The following LSAMP variants were observed in gnomAD, a reference collection of about 807,000 sequenced individuals.
The protein encoded by LSAMP is limbic system associated membrane protein.
LSAMP carries 7 observed loss-of-function variants against 38.6 expected under a neutral mutation model. That is an observed-to-expected ratio of 0.18 (90% CI 0.10 to 0.34). The LOEUF is 0.34. Among genes scored for constraint, LSAMP ranks in the 10% least tolerant of loss-of-function variants. The probability of loss-of-function intolerance (pLI) is 1.00; values close to 1 mark genes in which losing one functional copy is unlikely to be tolerated. For missense variants in LSAMP, 313 were observed against 420.0 expected (o/e 0.75, Z 2.23); for synonymous variants, 154 against 166.8 (o/e 0.92, Z 0.59).
intron 2 of LSAMP, among the ~76,000 whole-genome samples, chr3:116,045,527 T>C (rs542419345): frequency 1.3e-4 from 18 of 138,338 alleles, no homozygotes; most frequent in Admixed American, 2.2e-4. Flanking sequence ...ATATTTTTCA[T>C]TGGGTGGAGG....
At chr3:116,167,031 TC>T (rs1353184676) in intron 1 of LSAMP, among the ~76,000 whole-genome samples, 1 of 152,142 alleles carries the variant, frequency 6.6e-6, no homozygotes, top group East Asian at 1.9e-4. Context: ...GACCTCGTGA[TC>T]CGCCCGCCTT....
intron 1 of LSAMP, among the ~76,000 whole-genome samples, chr3:116,415,708 C>A (rs1413650435): frequency 2.0e-5 from 3 of 152,192 alleles, no homozygotes; most frequent in African/African-American, 4.8e-5. Flanking sequence ...CTCAAAAGCA[C>A]AATAAACAAT....
At chr3:116,229,794 G>A (rs1234641161) in intron 1 of LSAMP, among the ~76,000 whole-genome samples, 1 of 152,100 alleles carries the variant, frequency 6.6e-6, no homozygotes, top group East Asian at 1.9e-4. Context: ...GGAGTCATTA[G>A]GCCAGATTTT....
intron 4 of LSAMP, among the ~76,000 whole-genome samples, chr3:115,846,132 T>C (rs1460710887): frequency 1.3e-5 from 2 of 152,204 alleles, no homozygotes; most frequent in Non-Finnish European, 2.9e-5. Context: ...TGCAGCATGC[T>C]TTGTGTAGTT....
At chr3:115,978,526 G>T (rs1015323695) in intron 3 of LSAMP, among the ~76,000 whole-genome samples, 1 of 151,788 alleles carries the variant, frequency 6.6e-6, no homozygotes, top group Non-Finnish European at 1.5e-5. Context: ...GAAATTTTGT[G>T]TTTTTTTAAT....
rs550690412 is a variant in LSAMP at position 115,904,954 on chromosome 3, T to C, written c.515-52337A>G. 5.9e-5 allele frequency among the ~76,000 whole-genome samples: 9 copies of C among 152,292 alleles called. No homozygotes were observed. The East Asian group carries it at 1.5e-3, about 26-fold the overall frequency. ...TCTTCACAATACCTATCCCATCTTA[T>C]TGAACTCTGCTTATTATAACAGTTT... On this transcript the variant is annotated intron_variant, in intron 3 of 6. Coordinates refer to ENST00000490035, the MANE Select transcript of LSAMP (RefSeq NM_002338.5).
chr3:116,113,420 A>ATTTTTTTTTTTTT (rs374608044), intron 1 of LSAMP, among the ~76,000 whole-genome samples: 1 of 51,028 alleles, frequency 2.0e-5, no homozygotes, highest in African/African-American at 9.6e-5. Flanking sequence ...ATATATATAT[A>ATTTTTTTTTTTTT]TTTTTTTTTT....
At chr3:116,293,749 C>T (rs1021132937) in intron 1 of LSAMP, among the ~76,000 whole-genome samples, 1 of 152,014 alleles carries the variant, frequency 6.6e-6, no homozygotes, top group African/African-American at 2.4e-5. Flanking sequence ...AATAATTAAA[C>T]CAGAACTGAA....
At chr3:116,013,171 G>C (rs1940381375) in intron 3 of LSAMP, among the ~76,000 whole-genome samples, 2 of 152,346 alleles carry the variant, frequency 1.3e-5, no homozygotes, top group Middle Eastern at 3.4e-3. Context: ...TAGGGTAGGA[G>C]TGGGGTTGTA....
At chr3:115,924,904 T>C (rs1016236686) in intron 3 of LSAMP, among the ~76,000 whole-genome samples, 6 of 152,194 alleles carry the variant, frequency 3.9e-5, no homozygotes, top group African/African-American at 1.4e-4. Flanking sequence ...CAGGCCCTGC[T>C]CTGGCCTTTC....
chr3:115,948,399 A>C (rs533375769), intron 3 of LSAMP, among the ~76,000 whole-genome samples: 54 of 152,288 alleles, frequency 3.5e-4, no homozygotes, highest in African/African-American at 1.2e-3. Flanking sequence ...AGTCTCAATA[A>C]ATTTAAGAAA....
At chr3:116,097,578 A>G (rs1708251874) in intron 1 of LSAMP, among the ~76,000 whole-genome samples, 1 of 152,206 alleles carries the variant, frequency 6.6e-6, no homozygotes, top group African/African-American at 2.4e-5. Flanking sequence ...TTAACACATA[A>G]TAAGTATGTA....
rs1933612457 is a variant in LSAMP at position 115,805,596 on chromosome 3, T to C, written c.*4721A>G. 1.3e-5 allele frequency: 2 copies of C among 152,216 alleles called. No individual in the cohort carries two copies. Among genetic ancestry groups the C allele is most frequent in the African/African-American group, 4.8e-5 (2 of 41,466 alleles). 9.4% of individuals were successfully genotyped at this position (152,216 alleles called of 1,614,324 possible). ...TAAAATAAGTTTTCCATAATATTCATAAACATTTTCGCTGGTGTAAATGTT... is the reference window on the plus strand; with the variant it reads ...TAAAATAAGTTTTCCATAATATTCACAAACATTTTCGCTGGTGTAAATGTT... On this transcript the variant is annotated 3_prime_UTR_variant, in exon 7 of 7. Coordinates refer to ENST00000490035, the MANE Select transcript of LSAMP (RefSeq NM_002338.5).
chr3:115,994,104 T>C (rs1325364574), intron 3 of LSAMP, among the ~76,000 whole-genome samples: 1 of 152,104 alleles, frequency 6.6e-6, no homozygotes, highest in Non-Finnish European at 1.5e-5. Flanking sequence ...ACTGACAACC[T>C]GGCATTGCAG....
intron 6 of LSAMP, among the ~76,000 whole-genome samples, chr3:115,817,958 G>T (rs1934083961): frequency 6.6e-6 from 1 of 151,920 alleles, no homozygotes; most frequent in African/African-American, 2.4e-5. Context: ...TTTTCTTTAG[G>T]ATCAACATAT....
chr3:115,999,993 T>G (rs1410924885), intron 3 of LSAMP, among the ~76,000 whole-genome samples: 1 of 152,070 alleles, frequency 6.6e-6, no homozygotes, highest in Non-Finnish European at 1.5e-5. Context: ...GTATGTGTGG[T>G]GTGTGTGTTT....
chr3:115,878,061 G>C (rs1352264741), intron 3 of LSAMP, among the ~76,000 whole-genome samples: 1 of 152,130 alleles, frequency 6.6e-6, no homozygotes, highest in South Asian at 2.1e-4. Context: ...AGACACGATT[G>C]TTCTGCAGTA....
At chr3:116,026,283 C>T (rs1266851588) in intron 2 of LSAMP, among the ~76,000 whole-genome samples, 3 of 152,166 alleles carry the variant, frequency 2.0e-5, no homozygotes, top group Non-Finnish European at 4.4e-5. Context: ...TATCCACCCT[C>T]TACCAGATCT....
Position 115,806,497 on chromosome 3 carries a change from TCAAA to T in LSAMP, c.*3816_*3819del, listed in dbSNP as rs1361975808. 1 of 152,162 alleles carries T rather than the reference TCAAA, an allele frequency of 6.6e-6. No homozygotes were observed. The highest frequency in any genetic ancestry group is 1.5e-5 in the Non-Finnish European group (1 of 68,044). The allele number at this position is 152,162 out of a possible 1,614,324, so 9.4% of individuals were successfully genotyped here. A position where few individuals can be genotyped will look rare whatever the true frequency, so the allele number is the denominator to read the frequency against. On this transcript the variant is annotated 3_prime_UTR_variant, in exon 7 of 7. Coordinates refer to ENST00000490035, the MANE Select transcript of LSAMP (RefSeq NM_002338.5). ...GCTCACAACTTGGTAAAGTAATAACTCAAACAATTTCATGCTGAGGAGTTTAGCT... is the reference window on the plus strand; with the variant it reads ...GCTCACAACTTGGTAAAGTAATAACTCAATTTCATGCTGAGGAGTTTAGCT...
Sources: gnomAD v4.1 joint callset for allele counts (sites outside exome capture counted in the v4.1 genomes callset) on GRCh38, gnomAD v4.1.1 for gene constraint, MANE v1.5 for transcripts, NCBI Gene and HGNC (gene_info 2026-07-23, HGNC 2026-07-21) for gene names.